Variants in EHBP1 observed in about 807,000 individuals in gnomAD.
The protein encoded by EHBP1 is EH domain-binding protein 1.
Under a neutral mutation model 144.0 loss-of-function variants are expected in EHBP1, and 55 were observed. The ratio of observed to expected loss-of-function variants is 0.38; its 90% CI spans 0.31 to 0.48. The LOEUF (loss-of-function observed/expected upper bound fraction) is 0.48, where lower values mean the gene tolerates loss of function less well. Ranked by LOEUF, EHBP1 falls within the 20% of genes least tolerant of loss-of-function variation. The pLI is 0.98. For missense variants in EHBP1, 1,200 were observed against 1,364.2 expected, an observed-to-expected ratio of 0.88 and a Z score of 1.90; for synonymous variants, 469 against 472.7, an observed-to-expected ratio of 0.99 and a Z score of 0.10.
At chr2:63,014,381 A>T (rs2060397450) in intron 19 of EHBP1, among the ~76,000 whole-genome samples, 1 of 152,198 alleles carries the variant, frequency 6.6e-6, no homozygotes, top group Admixed American at 6.5e-5. Context: ...TTAAAACAGG[A>T]TCTATATAGA....
intron 10 of EHBP1, among the ~76,000 whole-genome samples, chr2:62,939,690 A>G (rs2056620064): frequency 6.6e-6 from 1 of 152,152 alleles, no homozygotes; most frequent in African/African-American, 2.4e-5. Context: ...AGAGAGTACC[A>G]GGGAAATGGA....
At chr2:62,793,496 G>A (rs1056463270) in intron 5 of EHBP1, among the ~76,000 whole-genome samples, 1 of 152,064 alleles carries the variant, frequency 6.6e-6, no homozygotes, top group Admixed American at 6.6e-5. Flanking sequence ...ACTAGGTTCA[G>A]CGTTGAGTTT....
intron 19 of EHBP1, among the ~76,000 whole-genome samples, chr2:63,018,610 A>G (rs181524354): frequency 1.3e-5 from 2 of 152,316 alleles, no homozygotes; most frequent in East Asian, 3.9e-4. Context: ...TACTATATAC[A>G]GTATTAAGTT....
intron 14 of EHBP1, among the ~76,000 whole-genome samples, chr2:62,969,205 T>C (rs1383401209): frequency 1.3e-5 from 2 of 152,144 alleles, no homozygotes; most frequent in African/African-American, 4.8e-5. Context: ...TGGAGAAATA[T>C]AGTACCTACT....
chr2:62,696,273 C>A (rs965359363), intron 1 of EHBP1, among the ~76,000 whole-genome samples: 1 of 150,958 alleles, frequency 6.6e-6, no homozygotes, highest in South Asian at 2.1e-4. Flanking sequence ...CAGGTTCAAG[C>A]AATTCTCCTG....
chr2:62,991,505 A>G (rs1365243360), intron 16 of EHBP1, among the ~76,000 whole-genome samples: 1 of 152,174 alleles, frequency 6.6e-6, no homozygotes, highest in Non-Finnish European at 1.5e-5. Context: ...TAGATGAACT[A>G]AATGTATGTT....
chr2:62,774,040 A>G (rs141270994), intron 5 of EHBP1, among the ~76,000 whole-genome samples: 3 of 151,934 alleles, frequency 2.0e-5, no homozygotes, highest in Non-Finnish European at 4.4e-5. Flanking sequence ...GCATAAGCCA[A>G]TCTCATGAGA....
chr2:62,685,680 A>G (rs1483072184), intron 1 of EHBP1, among the ~76,000 whole-genome samples: 1 of 152,210 alleles, frequency 6.6e-6, no homozygotes, highest in Non-Finnish European at 1.5e-5. Context: ...TTCAACCCAC[A>G]TCAGTCCATA....
chr2:62,931,082 T>C (rs1207446061), intron 10 of EHBP1, among the ~76,000 whole-genome samples: 3 of 152,178 alleles, frequency 2.0e-5, no homozygotes, highest in African/African-American at 7.2e-5. Flanking sequence ...AGGGAAAATA[T>C]TTCTTGCCTA....
intron 9 of EHBP1, among the ~76,000 whole-genome samples, chr2:62,867,300 T>C (rs1444475387): frequency 6.6e-6 from 1 of 152,128 alleles, no homozygotes; most frequent in East Asian, 1.9e-4. Flanking sequence ...TGAAGACACT[T>C]TTTTCAGAGT....
intron 2 of EHBP1, among the ~76,000 whole-genome samples, chr2:62,726,984 T>G (rs900778628): frequency 1.3e-5 from 2 of 152,092 alleles, no homozygotes; most frequent in African/African-American, 4.8e-5. Flanking sequence ...TGCCTCAGCC[T>G]CCTGAGTAGC....
At position 62,955,631 on chromosome 2, in the gene EHBP1, A is replaced by G. The variant is rs766778397; in HGVS notation, c.2431A>G (p.Thr811Ala). Reference sequence around the variant, plus strand: ...GAATAAGCACAATACCAACACAGCCACCCCATTCTGCAACAGGCAGCTAAG... The same window carrying G: ...GAATAAGCACAATACCAACACAGCCGCCCCATTCTGCAACAGGCAGCTAAG... ...AGNKHNTNTA[T>A]PFCNRQLSDQ... Residue 811 changes from threonine to alanine, a missense_variant, in exon 14 of 23, where the codon ACC becomes GCC. Around this residue, in one of 6 missense-constraint regions of EHBP1, gnomAD observed 543 missense variants for 513.1 expected, o/e 1.06. Transcript: ENST00000431489. 3.7e-6 allele frequency: 6 copies of G among 1,611,808 alleles called. No individual in the cohort carries two copies. Among genetic ancestry groups the G allele is most frequent in the African/African-American group, 1.3e-5 (1 of 74,978 alleles).
At chr2:62,678,373 C>G (rs1477602444) in intron 1 of EHBP1, among the ~76,000 whole-genome samples, 1 of 152,038 alleles carries the variant, frequency 6.6e-6, no homozygotes, top group Non-Finnish European at 1.5e-5. Flanking sequence ...TTTATATATT[C>G]TGGTTATTAA....
rs1172909712 is a variant in EHBP1, at chr2:62,916,099, T to C, written c.1186-26619T>C. ...TACTTGGGAGGCTGAAGTGGGAGGA[T>C]GACTTGAGCCCAGGAGTTTGAGTCC... On this transcript the variant is annotated intron_variant, in intron 10 of 22. Transcript: ENST00000431489. Among the ~76,000 whole-genome samples, 5 of 152,180 alleles carry C rather than the reference T, an allele frequency of 3.3e-5. No individual in the cohort carries two copies. In the East Asian group the frequency reaches 7.7e-4, roughly 23 times the overall value.
rs985866422 is a variant in EHBP1 at position 62,952,316 on chromosome 2, G to A, written c.2316+3154G>A. Among the ~76,000 whole-genome samples the A allele has an allele frequency of 7.2e-5, 11 of 152,164 alleles. No homozygotes were observed. In the South Asian group the frequency reaches 2.3e-3, roughly 32 times the overall value. On this transcript the variant is annotated intron_variant, in intron 13 of 22. Transcript: ENST00000431489. ...CTGAATTTTGGACAATTAAAAATCT[G>A]TTTCTCTTTTGTACAAAGTATTTCA... is the stretch of plus-strand genomic sequence containing the variant.
intron 10 of EHBP1, among the ~76,000 whole-genome samples, chr2:62,880,680 A>C (rs187241512): frequency 3.0e-4 from 46 of 152,306 alleles, no homozygotes; most frequent in Non-Finnish European, 6.3e-4. Context: ...CTTTTGAGAG[A>C]TGCACATCAA....
At chr2:62,722,403 A>G (rs1427685186) in intron 2 of EHBP1, among the ~76,000 whole-genome samples, 1 of 151,934 alleles carries the variant, frequency 6.6e-6, no homozygotes, top group East Asian at 1.9e-4. Context: ...GATTACAGGC[A>G]TGAGCCACCA....
chr2:62,943,624 C>CATTT (rs1224658099), intron 11 of EHBP1, among the ~76,000 whole-genome samples, 178 bp from the exon 12 acceptor site: 1 of 151,942 alleles, frequency 6.6e-6, no homozygotes, highest in Non-Finnish European at 1.5e-5. Context: ...TGTTTTTATT[C>CATTT]ATTTATTTAT....
intron 7 of EHBP1, 125 bp downstream of exon 7, chr2:62,831,283 A>G (rs2046808682): frequency 5.8e-6 from 5 of 865,018 alleles, no homozygotes; most frequent in South Asian, 3.5e-5. Flanking sequence ...AAGCCTTTCT[A>G]CAATAAAATA....
Sources: gnomAD v4.1 joint callset for allele counts (sites outside exome capture counted in the v4.1 genomes callset) on GRCh38, gnomAD v4.1.1 for gene constraint, gnomAD v4.1.1 regional missense constraint, MANE v1.5 for transcripts, NCBI Gene and HGNC (gene_info 2026-07-23, HGNC 2026-07-21) for gene names.